The following TMEM116 variants were observed in gnomAD, a reference collection of about 807,000 sequenced individuals.
TMEM116 encodes the protein transmembrane protein 116.
TMEM116 carries 38 observed loss-of-function variants against 44.3 expected under a neutral mutation model. That is an observed-to-expected ratio of 0.86 (90% CI 0.66 to 1.12). TMEM116 has a LOEUF of 1.12. TMEM116 is among the 50% of genes most tolerant of loss of function. The probability of loss-of-function intolerance (pLI) is 0.00; values close to 1 mark genes in which losing one functional copy is unlikely to be tolerated. For missense variants in TMEM116, 354 were observed against 401.7 expected, an observed-to-expected ratio of 0.88 and a Z score of 1.01; for synonymous variants, 132 against 144.8, an observed-to-expected ratio of 0.91 and a Z score of 0.64.
intron 2 of TMEM116, 130 bp downstream of exon 2, chr12:112,005,127 G>GA (rs2077509817): frequency 1.8e-6 from 1 of 562,886 alleles, no homozygotes; most frequent in African/African-American, 2.0e-5. Flanking sequence ...AAAATATCAA[G>GA]ATGATAAAGA....
intron 4 of TMEM116, among the ~76,000 whole-genome samples, chr12:111,961,469 A>T (rs7967617): frequency 0.096 from 14,671 of 152,264 alleles, 812 homozygotes; most frequent in Middle Eastern, 0.18. Context: ...TAAAAAGATT[A>T]TCCACCATGA....
At chr12:111,980,630 A>C (rs1265132077) in intron 4 of TMEM116, among the ~76,000 whole-genome samples, 1 of 152,214 alleles carries the variant, frequency 6.6e-6, no homozygotes, top group Non-Finnish European at 1.5e-5. Context: ...ACACTAAGGC[A>C]AAATGATTAT....
At chr12:112,011,332 T>A (rs996327345) in intron 1 of TMEM116, 2 of 152,288 alleles carry the variant, frequency 1.3e-5, no homozygotes, top group African/African-American at 4.8e-5. Flanking sequence ...CCCAGACACA[T>A]TCACACATAC....
chr12:111,995,702 C>T (rs1382847310), intron 3 of TMEM116, among the ~76,000 whole-genome samples: 1 of 152,174 alleles, frequency 6.6e-6, no homozygotes, highest in South Asian at 2.1e-4. Context: ...CATGCCACTG[C>T]ACTCCAGCCT....
At chr12:111,939,605 C>T (rs1359364160) in intron 5 of TMEM116, among the ~76,000 whole-genome samples, 1 of 151,094 alleles carries the variant, frequency 6.6e-6, no homozygotes, top group Non-Finnish European at 1.5e-5. Flanking sequence ...CGAGACTAGC[C>T]TAGGCAACAT....
chr12:111,957,503 G>A (rs968309116), intron 4 of TMEM116, among the ~76,000 whole-genome samples: 7 of 149,068 alleles, frequency 4.7e-5, no homozygotes, highest in African/African-American at 1.7e-4. Flanking sequence ...GGGGGGCAGC[G>A]CCCCCCTGGC....
intron 1 of TMEM116, among the ~76,000 whole-genome samples, chr12:112,007,991 GA>G (rs2077666725): frequency 6.6e-6 from 1 of 152,194 alleles, no homozygotes; most frequent in African/African-American, 2.4e-5. Context: ...AAGCTCAAAT[GA>G]TGAAGTAGGT....
At chr12:111,980,440 T>TA (rs76395683) in intron 4 of TMEM116, among the ~76,000 whole-genome samples, 29,760 of 151,968 alleles carry the variant, frequency 0.2, 3,136 homozygotes, top group Middle Eastern at 0.27. Flanking sequence ...AATATATGAA[T>TA]AAAAAATTTT....
chr12:111,945,489 T>C (rs551817589), intron 4 of TMEM116, among the ~76,000 whole-genome samples: 2 of 152,282 alleles, frequency 1.3e-5, no homozygotes, highest in South Asian at 2.1e-4. Context: ...TTGACCCTTC[T>C]TGAAGTTTTC....
chr12:111,964,092 G>A (rs1447800196), intron 4 of TMEM116, among the ~76,000 whole-genome samples: 1 of 148,934 alleles, frequency 6.7e-6, no homozygotes, highest in Non-Finnish European at 1.5e-5. Context: ...TGAAGTCTGG[G>A]ACCCACTGAA....
chr12:111,964,098 C>T (rs2074809129), intron 4 of TMEM116, among the ~76,000 whole-genome samples: 1 of 146,926 alleles, frequency 6.8e-6, no homozygotes, highest in Non-Finnish European at 1.5e-5. Context: ...CTGGGACCCA[C>T]TGAACTACTT....
At chr12:111,936,588 A>T in intron 8 of TMEM116, 104 bp downstream of exon 8, 1 of 1,344,870 alleles carries the variant, frequency 7.4e-7, no homozygotes, top group Non-Finnish European at 1.0e-6. Context: ...TTCTAGGACC[A>T]CAAGAAGTGC....
At chr12:111,983,119 G>A (rs998450223) in intron 4 of TMEM116, among the ~76,000 whole-genome samples, 2 of 151,740 alleles carry the variant, frequency 1.3e-5, no homozygotes, top group Admixed American at 1.3e-4. Context: ...AACATAGCGA[G>A]ACCTTGTCTA....
At chr12:111,991,963 A>G (rs2076631537) in intron 3 of TMEM116, 74 bp from the exon 4 acceptor site, 2 of 1,430,310 alleles carry the variant, frequency 1.4e-6, no homozygotes, top group Non-Finnish European at 1.9e-6. Context: ...CAGTTCTTAC[A>G]TTTTATGTTT....
chr12:112,000,434 C>A (rs1031870166), intron 3 of TMEM116, among the ~76,000 whole-genome samples: 1 of 152,100 alleles, frequency 6.6e-6, no homozygotes, highest in African/African-American at 2.4e-5. Context: ...CTTATGCACT[C>A]TTTTAACAAT....
At chr12:111,994,018 AG>A in intron 3 of TMEM116, 1 of 573,816 alleles carries the variant, frequency 1.7e-6, no homozygotes, top group Non-Finnish European at 3.4e-6. Flanking sequence ...CCCTCCCCCA[AG>A]ATGCCAGAAT....
At chr12:111,991,953 C>G in intron 3 of TMEM116, 64 bp from the exon 4 acceptor site, 1 of 1,452,752 alleles carries the variant, frequency 6.9e-7, no homozygotes, top group Non-Finnish European at 9.2e-7. Context: ...AACAATGTAA[C>G]AGTTCTTACA....
intron 4 of TMEM116, among the ~76,000 whole-genome samples, chr12:111,985,601 T>A (rs868350423): frequency 1.8e-4 from 28 of 152,068 alleles, no homozygotes; most frequent in African/African-American, 6.8e-4. Flanking sequence ...TAGTTTTTTG[T>A]TTTTTTGAGA....
intron 4 of TMEM116, among the ~76,000 whole-genome samples, chr12:111,973,246 C>A (rs1311164096): frequency 6.6e-6 from 1 of 151,956 alleles, no homozygotes; most frequent in Non-Finnish European, 1.5e-5. Flanking sequence ...ACAGAAAATC[C>A]CCAAATATTT....
Sources: allele counts gnomAD v4.1 joint callset (sites outside exome capture counted in the v4.1 genomes callset), GRCh38; gene constraint gnomAD v4.1.1; transcripts MANE v1.5; gene names NCBI Gene and HGNC (gene_info 2026-07-23, HGNC 2026-07-21).